Variants in RSRC1 observed in about 807,000 individuals in gnomAD.
RSRC1 encodes arginine and serine rich coiled-coil 1.
RSRC1 carries 39 observed loss-of-function variants against 49.1 expected under a neutral mutation model. That is an observed-to-expected ratio of 0.79 (90% CI 0.61 to 1.04). The LOEUF is 1.04. Ranked by LOEUF, RSRC1 falls within the 50% of genes least tolerant of loss-of-function variation. The pLI is 0.00. For missense variants in RSRC1, 388 were observed against 402.4 expected, an observed-to-expected ratio of 0.96 and a Z score of 0.31; for synonymous variants, 143 against 130.8, an observed-to-expected ratio of 1.09 and a Z score of -0.63.
intron 7 of RSRC1, among the ~76,000 whole-genome samples, chr3:158,502,648 A>G (rs774514045): frequency 6.6e-6 from 1 of 152,084 alleles, no homozygotes; most frequent in Non-Finnish European, 1.5e-5. Flanking sequence ...TCCTTGTTCA[A>G]TTCTACTGCT....
intron 4 of RSRC1, among the ~76,000 whole-genome samples, chr3:158,273,814 A>G (rs867511991): frequency 2.6e-5 from 4 of 152,026 alleles, no homozygotes; most frequent in African/African-American, 9.7e-5. Context: ...TTAATATTCA[A>G]TCTTTGGATT....
intron 5 of RSRC1, among the ~76,000 whole-genome samples, chr3:158,298,955 T>C (rs141077338): frequency 5.9e-5 from 9 of 152,284 alleles, no homozygotes; most frequent in Non-Finnish European, 8.8e-5. Flanking sequence ...TTTTGACTTA[T>C]AGCAGTTTTA....
chr3:158,300,850 C>T (rs1295401180), intron 5 of RSRC1, among the ~76,000 whole-genome samples: 1 of 152,044 alleles, frequency 6.6e-6, no homozygotes, highest in Non-Finnish European at 1.5e-5. Context: ...ATATTTGTCG[C>T]TTGTTATACT....
At chr3:158,194,054 TACACACACACACACACACACACACAC>T (rs10530687) in intron 3 of RSRC1, among the ~76,000 whole-genome samples, 3 of 144,074 alleles carry the variant, frequency 2.1e-5, no homozygotes, top group Admixed American at 7.0e-5. Flanking sequence ...ACCCCGTCTA[TACACACACACACACACACACACACAC>T]ACACACACAC....
At chr3:158,405,184 A>G (rs550911097) in intron 6 of RSRC1, among the ~76,000 whole-genome samples, 17 of 152,162 alleles carry the variant, frequency 1.1e-4, no homozygotes, top group Non-Finnish European at 2.4e-4. Flanking sequence ...TCAGAAACTG[A>G]AAGTTGCTTG....
chr3:158,377,851 G>C (rs995263610), intron 6 of RSRC1, among the ~76,000 whole-genome samples: 1 of 151,794 alleles, frequency 6.6e-6, no homozygotes, highest in African/African-American at 2.4e-5. Flanking sequence ...AGTAGAGGCA[G>C]GATTTCACCA....
intron 7 of RSRC1, among the ~76,000 whole-genome samples, chr3:158,532,293 G>A (rs1451391419): frequency 6.6e-6 from 1 of 151,702 alleles, no homozygotes; most frequent in Non-Finnish European, 1.5e-5. Context: ...ATCACATCTG[G>A]GGCAATAGTG....
At chr3:158,376,189 CG>C (rs1313769709) in intron 6 of RSRC1, among the ~76,000 whole-genome samples, 4 of 44,114 alleles carry the variant, frequency 9.1e-5, no homozygotes, top group South Asian at 1.2e-3. Flanking sequence ...CCCTTCCTTT[CG>C]TTTTTTTTTT....
intron 3 of RSRC1, among the ~76,000 whole-genome samples, chr3:158,185,480 T>C (rs1719876220): frequency 1.3e-5 from 2 of 151,928 alleles, no homozygotes; most frequent in South Asian, 4.1e-4. Context: ...TTTTTACGCA[T>C]TTAAAAACTA....
chr3:158,203,350 AGAG>A (rs2108280034), intron 4 of RSRC1, 105 bp downstream of exon 4: 1 of 1,164,350 alleles, frequency 8.6e-7, no homozygotes, highest in African/African-American at 1.5e-5. Context: ...ATTTGCTATA[AGAG>A]TAGAAGAAAA....
At chr3:158,504,812 G>A (rs1290463484) in intron 7 of RSRC1, among the ~76,000 whole-genome samples, 2 of 152,168 alleles carry the variant, frequency 1.3e-5, no homozygotes, top group South Asian at 2.1e-4. Context: ...TAATCTCAAC[G>A]GTAGGATAAA....
At chr3:158,517,339 T>A (rs1036820627) in intron 7 of RSRC1, among the ~76,000 whole-genome samples, 1 of 152,188 alleles carries the variant, frequency 6.6e-6, no homozygotes, top group African/African-American at 2.4e-5. Context: ...ATATCATTTC[T>A]TTCTTTTTCT....
At chr3:158,372,530 C>T (rs1732139199) in intron 6 of RSRC1, among the ~76,000 whole-genome samples, 1 of 151,890 alleles carries the variant, frequency 6.6e-6, no homozygotes, top group African/African-American at 2.4e-5. Context: ...TTACTCAATA[C>T]CAGCCTTGAT....
chr3:158,409,577 A>G (rs1020387392), intron 6 of RSRC1, among the ~76,000 whole-genome samples: 1 of 152,178 alleles, frequency 6.6e-6, no homozygotes, highest in Non-Finnish European at 1.5e-5. Flanking sequence ...TGAGCTCCCT[A>G]AAAGCAGGAA....
chr3:158,147,176 T>C (rs1717190902), intron 3 of RSRC1, among the ~76,000 whole-genome samples: 1 of 131,428 alleles, frequency 7.6e-6, no homozygotes. Context: ...ATTTTACAAA[T>C]GTGTACTTCA....
intron 5 of RSRC1, among the ~76,000 whole-genome samples, chr3:158,334,165 T>G (rs1463857004): frequency 1.3e-5 from 2 of 152,190 alleles, no homozygotes; most frequent in Non-Finnish European, 2.9e-5. Context: ...AAAGCAGGGT[T>G]TAAAACTATA....
chr3:158,299,250 T>A (rs1727399561), intron 5 of RSRC1, among the ~76,000 whole-genome samples: 1 of 152,136 alleles, frequency 6.6e-6, no homozygotes, highest in Admixed American at 6.6e-5. Context: ...CATTCCAGTA[T>A]CAGTTAGGGG....
chr3:158,271,149 A>G (rs546927027), intron 4 of RSRC1, among the ~76,000 whole-genome samples: 2 of 152,118 alleles, frequency 1.3e-5, no homozygotes, highest in Non-Finnish European at 2.9e-5. Flanking sequence ...TTTTGAAGTA[A>G]TGATTTTAGA....
chr3:158,460,063 A>G (rs1435260801), intron 6 of RSRC1, among the ~76,000 whole-genome samples: 1 of 151,964 alleles, frequency 6.6e-6, no homozygotes, highest in Non-Finnish European at 1.5e-5. Context: ...TATTATTATT[A>G]TAATAAAGGC....
Sources: allele counts gnomAD v4.1 joint callset (sites outside exome capture counted in the v4.1 genomes callset), GRCh38; gene constraint gnomAD v4.1.1; transcripts MANE v1.5; gene names NCBI Gene and HGNC (gene_info 2026-07-23, HGNC 2026-07-21).